Variants in KIF19 observed in about 807,000 individuals in gnomAD.
KIF19 encodes kinesin-like protein KIF19.
A neutral mutation model predicts 106.6 loss-of-function variants in KIF19; 98 were observed. That is an observed-to-expected ratio of 0.92 (90% CI 0.78 to 1.09). The LOEUF is 1.09. KIF19 is among the 50% of genes least tolerant of loss of function. The pLI is 0.00. For missense variants in KIF19, 1,373 were observed against 1,414.3 expected, an observed-to-expected ratio of 0.97 and a Z score of 0.47; for synonymous variants, 516 against 584.2, an observed-to-expected ratio of 0.88 and a Z score of 1.68.
At position 74,348,243 on chromosome 17, in the gene KIF19, A is replaced by G. The variant is rs149346533; in HGVS notation, c.1047+344A>G. On this transcript the variant is annotated intron_variant, in intron 9 of 19. Coordinates refer to ENST00000389916, the MANE Select transcript of KIF19 (RefSeq NM_153209.4). The stretch of plus-strand genomic sequence containing the variant: ...ATGGTCATCACAGGAGGCAAGCTTC[A>G]TTGAGCACTTGCTCTGAGCTGTTTC... 1.7e-3 allele frequency among the ~76,000 whole-genome samples: 261 copies of G among 152,328 alleles called. 3 individuals are homozygous for G. Among genetic ancestry groups the G allele is most frequent in the African/African-American group, 6.0e-3 (250 of 41,572 alleles).
chr17:74,355,686 G>T lies in KIF19; in HGVS notation c.*374G>T, dbSNP rs899659175. ...GTGTGGGGCACGGGCATCCTGGATG[G>T]TTGGGGAGGCGCCGACAGGCACTTC... On this transcript the variant is annotated 3_prime_UTR_variant, in exon 20 of 20. Coordinates refer to ENST00000389916, the MANE Select transcript of KIF19 (RefSeq NM_153209.4). 12 of 177,584 alleles carry T rather than the reference G, an allele frequency of 6.8e-5. No individual in the cohort carries two copies. Among genetic ancestry groups the T allele is most frequent in the Admixed American group, 2.5e-4 (4 of 16,062 alleles). The allele number at this position is 177,584 out of a possible 1,614,324, so 11.0% of individuals were successfully genotyped here. A position where few individuals can be genotyped will look rare whatever the true frequency, so the allele number is the denominator to read the frequency against.
intron 3 of KIF19, 82 bp from the exon 4 acceptor site, chr17:74,342,548 A>G (rs2054410490): frequency 9.6e-7 from 1 of 1,040,934 alleles, no homozygotes; most frequent in Non-Finnish European, 1.5e-6. Context: ...AACCTCTCCT[A>G]TCAGAGGTCA....
chr17:74,337,345 G>C (rs916732087), intron 2 of KIF19, among the ~76,000 whole-genome samples: 2 of 151,838 alleles, frequency 1.3e-5, no homozygotes, highest in African/African-American at 4.8e-5. Flanking sequence ...ACGGGGTGGG[G>C]GGGGTGCCTG....
Position 74,343,139 on chromosome 17 carries a change from G to C in KIF19, c.435G>C (p.Glu145Asp), listed in dbSNP as rs1275934915. 1 of 1,612,830 alleles carries C rather than the reference G, an allele frequency of 6.2e-7. No homozygotes were observed. The highest frequency in any genetic ancestry group is 2.2e-5 in the East Asian group (1 of 44,876). Residue 145 changes from glutamate (E) to aspartate (D), a missense_variant, in exon 5 of 20, where the codon GAG (glutamate) becomes GAC (aspartate). Glu to Asp is a conservative substitution (Grantham distance 45). This residue lies in a region of KIF19 where 348 missense variants were observed against 389.5 expected (regional missense o/e 0.89). Transcript: ENST00000389916. ...AGACCAGCAATGACATGGAGTATGA[G>C]GTCTCCATGTCCTACCTGGAGGTGA... Reference protein sequence around the residue: ...IEETSNDMEYEVSMSYLEIYN... With the variant: ...IEETSNDMEYDVSMSYLEIYN...
Position 74,352,208 on chromosome 17 carries a change from T to A in KIF19, c.1859-11T>A. 6.2e-7 allele frequency: 1 copy of A among 1,608,778 alleles called. No homozygotes were observed. The highest frequency in any genetic ancestry group is 1.3e-5 in the African/African-American group (1 of 74,944). On this transcript the variant is annotated splice_polypyrimidine_tract_variant and intron_variant, in intron 13 of 19. Transcript: ENST00000389916. Reference sequence around the variant, plus strand: ...GCTGGCACTCACTGAGCCCTGCCCCTTCCCCAGCAGACTACAACCTGGCCG... The same window carrying A: ...GCTGGCACTCACTGAGCCCTGCCCCATCCCCAGCAGACTACAACCTGGCCG...
intron 16 of KIF19, 54 bp from the exon 17 acceptor site, chr17:74,353,440 T>C: frequency 6.5e-7 from 1 of 1,547,140 alleles, no homozygotes; most frequent in Non-Finnish European, 8.9e-7. Flanking sequence ...GAGTGGGGCA[T>C]GGGGTCCCTG....
At chr17:74,348,193 T>C (rs769737339) in intron 9 of KIF19, among the ~76,000 whole-genome samples, 4 of 152,240 alleles carry the variant, frequency 2.6e-5, no homozygotes, top group Non-Finnish European at 5.9e-5. Flanking sequence ...TTTAGACCTT[T>C]GCATTTCCAA....
At chr17:74,349,770 A>G (rs1388673994) in intron 10 of KIF19, among the ~76,000 whole-genome samples, 1 of 151,576 alleles carries the variant, frequency 6.6e-6, no homozygotes, top group African/African-American at 2.4e-5. Flanking sequence ...AAAAAAATTT[A>G]CTAATATAAA....
chr17:74,326,818 C>T (rs1467002249), intron 1 of KIF19, among the ~76,000 whole-genome samples: 6 of 152,142 alleles, frequency 3.9e-5, no homozygotes, highest in Non-Finnish European at 8.8e-5. Flanking sequence ...GTGGGGGTCA[C>T]CAGTAGGAAG....
At position 74,342,666 on chromosome 17, in the gene KIF19, G is replaced by C; in HGVS notation, c.268G>C (p.Glu90Gln). The C allele has an allele frequency of 6.2e-7, 1 of 1,613,606 alleles. No individual in the cohort carries two copies. Among genetic ancestry groups the C allele is most frequent in the South Asian group, 1.1e-5 (1 of 91,084 alleles). Residue 90 changes from glutamate to glutamine, a missense_variant, in exon 4 of 20, where the codon GAG becomes CAG. Physicochemically the swap from Glu to Gln is conservative, Grantham distance 29 (BLOSUM62 2). This residue lies in a region of KIF19 where 348 missense variants were observed against 389.5 expected (regional missense o/e 0.89). Coordinates refer to ENST00000389916, the MANE Select transcript of KIF19 (RefSeq NM_153209.4). The stretch of plus-strand genomic sequence containing the variant: ...TCAGGCCACCACCAAGAGCCTCATC[G>C]AGGGCGTCATCTCAGGCTACAATGC... ...VYQATTKSLI[E>Q]GVISGYNATV...
intron 2 of KIF19, among the ~76,000 whole-genome samples, chr17:74,340,623 C>T (rs1346401957): frequency 2.0e-5 from 3 of 152,108 alleles, no homozygotes; most frequent in East Asian, 1.9e-4. Flanking sequence ...TGGGATTGGC[C>T]CACCCATGGC....
chr17:74,344,162 TG>T, intron 5 of KIF19, 60 bp from the exon 6 acceptor site: 1 of 1,524,204 alleles, frequency 6.6e-7, no homozygotes, highest in Non-Finnish European at 8.9e-7. Context: ...GACTCAGCCC[TG>T]GCCTTGACCT....
chr17:74,347,627 A>G, intron 8 of KIF19, 150 bp from the exon 9 acceptor site: 2 of 812,684 alleles, frequency 2.5e-6, no homozygotes, highest in South Asian at 1.8e-5. Flanking sequence ...CTTCCTCCCA[A>G]GCCTCACACC....
intron 12 of KIF19, chr17:74,351,328 C>CAAAAAAAAAAAAA (rs66627748): frequency 3.8e-5 from 3 of 79,248 alleles, no homozygotes; most frequent in Admixed American, 1.3e-4. Flanking sequence ...ACTAAAAATA[C>CAAAAAAAAAAAAA]AAAAAAAAAA....
At chr17:74,338,694 C>T (rs947987294) in intron 2 of KIF19, among the ~76,000 whole-genome samples, 1 of 151,864 alleles carries the variant, frequency 6.6e-6, no homozygotes, top group African/African-American at 2.4e-5. Context: ...GGGGTTTGAC[C>T]CAGGGCACAC....
chr17:74,349,128 C>T, intron 9 of KIF19, 56 bp from the exon 10 acceptor site: 8 of 1,596,152 alleles, frequency 5.0e-6, no homozygotes, highest in South Asian at 1.1e-5. Flanking sequence ...AGGCAGGCCT[C>T]GGTGAGTGCA....
rs749767624 is a variant in KIF19 at position 74,352,232 on chromosome 17, C to T, written c.1872C>T (p.Ala624=). 1.1e-5 allele frequency: 18 copies of T among 1,612,174 alleles called. No homozygotes were observed. The highest frequency in any genetic ancestry group is 1.7e-5 in the Admixed American group (1 of 59,902). ...CTTCCCCAGCAGACTACAACCTGGC[C>T]GTCCCGCAGCGCCTGGAAGAGCTCT... ...QRQIIDDYNL[A]VPQRLEELYE... Residue 624 remains alanine, a synonymous_variant, in exon 14 of 20, where the codon GCC becomes GCT. Coordinates refer to ENST00000389916, the MANE Select transcript of KIF19 (RefSeq NM_153209.4).
At position 74,331,434 on chromosome 17, in the gene KIF19, G is replaced by A. The variant is rs941695765; in HGVS notation, c.120+2929G>A. On this transcript the variant is annotated intron_variant, in intron 2 of 19. Transcript: ENST00000389916. The surrounding 1 kb of genome is among the most constrained non-coding windows in gnomAD (Gnocchi z 4.1). The stretch of plus-strand genomic sequence containing the variant: ...TCCTGGGGCAGCTTTCTTTAGTCTA[G>A]GCATTGTTCTCCTGGGGACACTTCA... 2.0e-5 allele frequency among the ~76,000 whole-genome samples: 3 copies of A among 152,276 alleles called. No homozygotes were observed. The highest frequency in any genetic ancestry group is 2.0e-4 in the Admixed American group (3 of 15,292).
chr17:74,341,736 A>G (rs1303004597), intron 2 of KIF19, 140 bp from the exon 3 acceptor site: 3 of 650,844 alleles, frequency 4.6e-6, no homozygotes, highest in Non-Finnish European at 5.5e-6. Context: ...TGAGGCGACG[A>G]GGGCTAGATT....
Sources: gnomAD v4.1 joint callset for allele counts (sites outside exome capture counted in the v4.1 genomes callset) on GRCh38, gnomAD v4.1.1 for gene constraint, gnomAD v4.1.1 regional missense constraint, Gnocchi (gnomAD v3.1) non-coding constraint, MANE v1.5 for transcripts, NCBI Gene and HGNC (gene_info 2026-07-23, HGNC 2026-07-21) for gene names.